FHIT: variants seen among roughly 807,000 people sequenced by gnomAD.
FHIT encodes bis(5'-adenosyl)-triphosphatase.
In FHIT, 19 loss-of-function variants were observed where a neutral mutation model predicts 17.9. That is an observed-to-expected ratio of 1.06 (90% CI 0.74 to 1.56). The LOEUF is 1.56. FHIT is among the 40% of genes most tolerant of loss of function. The pLI is 0.00. For synonymous variants in FHIT, 81 were observed against 69.7 expected (o/e 1.16, Z -0.81); for missense variants, 248 against 189.2 (o/e 1.31, Z -1.82).
At chr3:60,465,816 G>A (rs2107429400) in intron 5 of FHIT, among the ~76,000 whole-genome samples, 1 of 152,174 alleles carries the variant, frequency 6.6e-6, no homozygotes, top group South Asian at 2.1e-4. Flanking sequence ...TTTGAAGTCA[G>A]ATAATGTGAT....
intron 4 of FHIT, among the ~76,000 whole-genome samples, chr3:60,661,354 C>G (rs1014917769): frequency 6.6e-6 from 1 of 152,168 alleles, no homozygotes; most frequent in Non-Finnish European, 1.5e-5. Flanking sequence ...TCTCCAATTC[C>G]ACCCATGTAA....
intron 5 of FHIT, among the ~76,000 whole-genome samples, chr3:60,027,531 C>A (rs2106766045): frequency 6.6e-6 from 1 of 152,134 alleles, no homozygotes; most frequent in Non-Finnish European, 1.5e-5. Flanking sequence ...GCTTAAATAA[C>A]CACAGCTAAA....
chr3:60,249,353 G>A (rs372011720), intron 5 of FHIT, among the ~76,000 whole-genome samples: 10 of 152,000 alleles, frequency 6.6e-5, no homozygotes, highest in South Asian at 2.1e-4. Context: ...CACTTTTCTC[G>A]GAAACAGCGT....
chr3:61,144,297 G>T (rs966069223), intron 2 of FHIT, among the ~76,000 whole-genome samples: 4 of 152,200 alleles, frequency 2.6e-5, no homozygotes, highest in African/African-American at 9.6e-5. Flanking sequence ...CATACAGTAT[G>T]TGTCCTTTTG....
chr3:60,315,341 G>C (rs1709117676), intron 5 of FHIT, among the ~76,000 whole-genome samples: 1 of 152,152 alleles, frequency 6.6e-6, no homozygotes, highest in South Asian at 2.1e-4. Flanking sequence ...GTATAGCTCT[G>C]CTCTTTTGCA....
intron 2 of FHIT, among the ~76,000 whole-genome samples, chr3:61,183,318 G>GTGAATGAATGAATGAATGAATGAA (rs147134285): frequency 0.09 from 13,675 of 151,926 alleles, 1,760 homozygotes; most frequent in East Asian, 0.61. Context: ...TCAACCACAA[G>GTGAATGAATGAATGAATGAATGAA]TGAATGAATG....
intron 5 of FHIT, among the ~76,000 whole-genome samples, chr3:60,378,044 T>C (rs1700646521): frequency 6.6e-6 from 1 of 152,106 alleles, no homozygotes; most frequent in South Asian, 2.1e-4. Flanking sequence ...GTTTGTTTTT[T>C]GAGACAGAGT....
chr3:60,110,185 A>T (rs1576120322), intron 5 of FHIT, among the ~76,000 whole-genome samples: 2 of 152,154 alleles, frequency 1.3e-5, no homozygotes, highest in Admixed American at 6.5e-5. Flanking sequence ...AATGATAATA[A>T]AAGTTTGCCT....
intron 5 of FHIT, among the ~76,000 whole-genome samples, chr3:60,422,857 T>C (rs113671235): frequency 7.2e-5 from 11 of 152,244 alleles, no homozygotes; most frequent in African/African-American, 2.6e-4. Flanking sequence ...CTAGTTTAAA[T>C]GGTTCTATGC....
chr3:61,206,918 T>C (rs918502682), intron 1 of FHIT, among the ~76,000 whole-genome samples: 270 of 152,244 alleles, frequency 1.8e-3, no homozygotes, highest in Non-Finnish European at 2.5e-3. Flanking sequence ...GGAATGCCTC[T>C]AGTTTTTGTC....
rs190873230 is a variant in FHIT at position 60,255,951 on chromosome 3, C to G, written c.104-241799G>C. On this transcript the variant is annotated intron_variant, in intron 5 of 9. Transcript: ENST00000492590. ...CTGTCCTTGAGGGGGATCTCAGCCCCTAAGTGAAACACTTGAAATTAGTAA... is the reference window on the plus strand; with the variant it reads ...CTGTCCTTGAGGGGGATCTCAGCCCGTAAGTGAAACACTTGAAATTAGTAA... 2.4e-3 allele frequency among the ~76,000 whole-genome samples: 358 copies of G among 152,274 alleles called. 3 individuals carry two copies. Among genetic ancestry groups the G allele is most frequent in the African/African-American group, 8.1e-3 (338 of 41,560 alleles).
chr3:60,741,334 C>A (rs1577145423), intron 4 of FHIT, among the ~76,000 whole-genome samples: 1 of 152,264 alleles, frequency 6.6e-6, no homozygotes, highest in East Asian at 1.9e-4. Context: ...GACCCTATTG[C>A]AATCGAGTTT....
intron 5 of FHIT, among the ~76,000 whole-genome samples, chr3:60,362,294 C>A (rs1329313225): frequency 1.3e-5 from 2 of 152,062 alleles, no homozygotes; most frequent in African/African-American, 2.4e-5. Flanking sequence ...CATTTTAGAT[C>A]TTTAAACTTA....
At chr3:60,433,709 G>C (rs1326767418) in intron 5 of FHIT, among the ~76,000 whole-genome samples, 4 of 152,064 alleles carry the variant, frequency 2.6e-5, no homozygotes, top group Non-Finnish European at 4.4e-5. Flanking sequence ...TTGGCTATTA[G>C]CATGTTTCTT....
intron 8 of FHIT, among the ~76,000 whole-genome samples, chr3:59,874,839 C>A (rs1234104327): frequency 6.6e-6 from 1 of 152,230 alleles, no homozygotes; most frequent in Non-Finnish European, 1.5e-5. Context: ...CAATTCCATT[C>A]CTTCTAGCAC....
At chr3:60,390,396 T>TAAAAAAAAAAAAAAAAAAAAA (rs869078939) in intron 5 of FHIT, among the ~76,000 whole-genome samples, 10 of 32,024 alleles carry the variant, frequency 3.1e-4, no homozygotes, top group African/African-American at 9.8e-4. Context: ...GTAATGGAGC[T>TAAAAAAAAAAAAAAAAAAAAA]AAAAAAAAAA....
At chr3:60,859,817 G>T (rs1301602100) in intron 3 of FHIT, among the ~76,000 whole-genome samples, 1 of 131,854 alleles carries the variant, frequency 7.6e-6, no homozygotes, top group African/African-American at 2.8e-5. Flanking sequence ...GCTGAGGTGG[G>T]TGGATCACTT....
At chr3:59,983,986 C>T (rs1017003191) in intron 7 of FHIT, among the ~76,000 whole-genome samples, 1 of 152,030 alleles carries the variant, frequency 6.6e-6, no homozygotes, top group Non-Finnish European at 1.5e-5. Flanking sequence ...GAATTATAAC[C>T]AAGTCTAAAT....
At chr3:60,139,258 T>C (rs1020461042) in intron 5 of FHIT, among the ~76,000 whole-genome samples, 1 of 152,210 alleles carries the variant, frequency 6.6e-6, no homozygotes, top group African/African-American at 2.4e-5. Flanking sequence ...TCACTGTGTC[T>C]ACTTCATCAG....
Sources: allele counts gnomAD v4.1 joint callset (sites outside exome capture counted in the v4.1 genomes callset), GRCh38; gene constraint gnomAD v4.1.1; transcripts MANE v1.5; gene names NCBI Gene and HGNC (gene_info 2026-07-23, HGNC 2026-07-21).